CHD6: variants seen among roughly 807,000 people sequenced by gnomAD.
The protein encoded by CHD6 is chromodomain helicase DNA binding protein 6.
A neutral mutation model predicts 276.9 loss-of-function variants in CHD6; 50 were observed. That is an observed-to-expected ratio of 0.18 (90% CI 0.14 to 0.23). The LOEUF is 0.23. Among genes scored for constraint, CHD6 ranks in the 10% least tolerant of loss-of-function variants. The pLI is 1.00. For synonymous variants in CHD6, 1,173 were observed against 1,229.3 expected (o/e 0.95, Z 0.96); for missense variants, 2,564 against 3,365.8 (o/e 0.76, Z 5.89).
intron 3 of CHD6, among the ~76,000 whole-genome samples, chr20:41,518,998 T>A (rs765642950): frequency 2.0e-5 from 3 of 152,176 alleles, no homozygotes; most frequent in Non-Finnish European, 4.4e-5. Flanking sequence ...AAATAATGGA[T>A]AGGCCAGGTG....
chr20:41,574,547 T>A (rs1451110317), intron 1 of CHD6, among the ~76,000 whole-genome samples: 5 of 152,158 alleles, frequency 3.3e-5, no homozygotes, highest in African/African-American at 9.7e-5. Context: ...CTCACAAATA[T>A]TCATCAAAAT....
chr20:41,515,433 A>G (rs1014379657), intron 3 of CHD6, among the ~76,000 whole-genome samples: 3 of 152,182 alleles, frequency 2.0e-5, no homozygotes, highest in African/African-American at 7.2e-5. Flanking sequence ...GCTTACAATT[A>G]TGAAAATCCT....
At chr20:41,510,397 C>T (rs1175460661) in intron 5 of CHD6, among the ~76,000 whole-genome samples, 2 of 152,208 alleles carry the variant, frequency 1.3e-5, no homozygotes, top group Non-Finnish European at 2.9e-5. Context: ...TCTCTCCAGT[C>T]CCCTCACTGG....
At chr20:41,598,594 T>C (rs1001328284) in intron 1 of CHD6, among the ~76,000 whole-genome samples, 1 of 152,150 alleles carries the variant, frequency 6.6e-6, no homozygotes, top group African/African-American at 2.4e-5. Flanking sequence ...CAATAAGGCA[T>C]GCCAAACTCT....
At chr20:41,459,407 T>C (rs533510278) in intron 17 of CHD6, 1 of 152,392 alleles carries the variant, frequency 6.6e-6, no homozygotes, top group African/African-American at 2.4e-5. Context: ...CTCCTTGCAA[T>C]AAGAAAGCTT....
At chr20:41,592,499 CAATT>C (rs1195110292) in intron 1 of CHD6, among the ~76,000 whole-genome samples, 1 of 152,156 alleles carries the variant, frequency 6.6e-6, no homozygotes, top group African/African-American at 2.4e-5. Flanking sequence ...CCATTTCAAA[CAATT>C]AATTTACTCC....
intron 2 of CHD6, among the ~76,000 whole-genome samples, chr20:41,536,568 A>T (rs1263726938): frequency 6.6e-6 from 1 of 152,202 alleles, no homozygotes; most frequent in Non-Finnish European, 1.5e-5. Flanking sequence ...TAATTAAGAA[A>T]ATCATCCAGA....
chr20:41,548,825 A>G lies in CHD6; in HGVS notation c.33+2480T>C, dbSNP rs6072416. The stretch of plus-strand genomic sequence containing the variant: ...AAAAAAAACAACCCCATCAAAAAGT[A>G]GGCAAAGGATATGAACAGACACTTC... On this transcript the variant is annotated intron_variant, in intron 2 of 36. Coordinates refer to ENST00000373233, the MANE Select transcript of CHD6 (RefSeq NM_032221.5). 6.1e-3 allele frequency among the ~76,000 whole-genome samples: 923 copies of G among 152,236 alleles called. 2 individuals carry two copies. Among genetic ancestry groups the G allele is most frequent in the Non-Finnish European group, 0.01 (689 of 67,996 alleles).
rs2043721415 is a variant in CHD6, at chr20:41,497,686, G to A, written c.975-185C>T. ...GCAACAACAGAAAACAAAACAAAAC[G>A]GAGTAATTCCAAGCAACTGATCTCT... On this transcript the variant is annotated intron_variant, in intron 7 of 36. Coordinates refer to ENST00000373233, the MANE Select transcript of CHD6 (RefSeq NM_032221.5). The A allele has an allele frequency of 1.4e-5, 8 of 589,880 alleles. No homozygotes were observed. In the Admixed American group the frequency reaches 1.4e-4, roughly 10 times the overall value. The allele number at this position is 589,880 out of a possible 1,614,324, so 36.5% of individuals were successfully genotyped here. A position where few individuals can be genotyped will look rare whatever the true frequency, so the allele number is the denominator to read the frequency against.
intron 1 of CHD6, among the ~76,000 whole-genome samples, chr20:41,557,533 G>C (rs80000436): frequency 0.082 from 12,465 of 151,930 alleles, 984 homozygotes; most frequent in East Asian, 0.32. Context: ...AAAAAAATCA[G>C]GTTCACCCTA....
At chr20:41,490,045 T>C in intron 11 of CHD6, 24 bp from the exon 12 acceptor site, 1 of 1,604,810 alleles carries the variant, frequency 6.2e-7, no homozygotes, top group Non-Finnish European at 8.5e-7. Flanking sequence ...GAAATATAGG[T>C]AATTCATTAT....
At chr20:41,485,928 T>G (rs1252863850) in intron 14 of CHD6, 1 of 152,130 alleles carries the variant, frequency 6.6e-6, no homozygotes, top group East Asian at 1.9e-4. Flanking sequence ...ACGTGATAAA[T>G]ACATATTTTG....
chr20:41,448,355 T>C (rs1303835103), intron 23 of CHD6, among the ~76,000 whole-genome samples: 1 of 152,336 alleles, frequency 6.6e-6, no homozygotes, highest in Non-Finnish European at 1.5e-5. Flanking sequence ...TCAAACAGTT[T>C]CACTTGTACA....
chr20:41,607,044 C>T (rs1209957828), intron 1 of CHD6, among the ~76,000 whole-genome samples: 2 of 152,078 alleles, frequency 1.3e-5, no homozygotes, highest in Non-Finnish European at 2.9e-5. Flanking sequence ...AAGCCTTTCT[C>T]AACATCTCCA....
chr20:41,551,436 G>A (rs1312188764), intron 1 of CHD6, 76 bp from the exon 2 acceptor site: 6 of 665,198 alleles, frequency 9.0e-6, no homozygotes, highest in Non-Finnish European at 1.6e-5. Flanking sequence ...CCAGATTACT[G>A]TAACACACAA....
intron 1 of CHD6, among the ~76,000 whole-genome samples, chr20:41,592,695 T>A (rs1235497163): frequency 6.6e-6 from 1 of 152,138 alleles, no homozygotes; most frequent in African/African-American, 2.4e-5. Context: ...GGTCAAGAAG[T>A]CCATGACTAA....
At chr20:41,500,558 A>T (rs1165279435) in intron 5 of CHD6, among the ~76,000 whole-genome samples, 1 of 152,198 alleles carries the variant, frequency 6.6e-6, no homozygotes, top group South Asian at 2.1e-4. Flanking sequence ...CAGGAAGGCA[A>T]GTAAACTATA....
chr20:41,489,325 G>A (rs1365081103), intron 12 of CHD6, among the ~76,000 whole-genome samples: 3 of 152,136 alleles, frequency 2.0e-5, no homozygotes, highest in Non-Finnish European at 4.4e-5. Context: ...AACTTAAAGA[G>A]AAAATGTTGC....
At chr20:41,557,577 C>T (rs1274585629) in intron 1 of CHD6, among the ~76,000 whole-genome samples, 2 of 152,068 alleles carry the variant, frequency 1.3e-5, no homozygotes, top group East Asian at 3.8e-4. Flanking sequence ...GATTTAAATT[C>T]ACTATACCTT....
Sources: allele counts gnomAD v4.1 joint callset (sites outside exome capture counted in the v4.1 genomes callset), GRCh38; gene constraint gnomAD v4.1.1; transcripts MANE v1.5; gene names NCBI Gene and HGNC (gene_info 2026-07-23, HGNC 2026-07-21).